TRIP12: variants seen among roughly 807,000 people sequenced by gnomAD.
TRIP12 encodes the protein E3 ubiquitin-protein ligase TRIP12.
In TRIP12, 25 loss-of-function variants were observed where a neutral mutation model predicts 244.2. The ratio of observed to expected loss-of-function variants is 0.10; its 90% confidence interval spans 0.07 to 0.14. The LOEUF is 0.14. TRIP12 is among the 10% of genes least tolerant of loss of function. The pLI, the probability that TRIP12 is intolerant of heterozygous loss-of-function variation, is 1.00. For missense variants in TRIP12, 1,677 were observed against 2,486.4 expected, an observed-to-expected ratio of 0.67 and a Z score of 6.92; for synonymous variants, 905 against 873.1, an observed-to-expected ratio of 1.04 and a Z score of -0.64.
intron 4 of TRIP12, among the ~76,000 whole-genome samples, chr2:229,850,034 A>G (rs2058364064): frequency 6.6e-6 from 1 of 152,188 alleles, no homozygotes; most frequent in Non-Finnish European, 1.5e-5. Flanking sequence ...TACTTTTAAC[A>G]AACATATATC....
intron 16 of TRIP12, 47 bp from the exon 17 acceptor site, chr2:229,807,911 G>C: frequency 6.5e-7 from 1 of 1,546,678 alleles, no homozygotes; most frequent in Non-Finnish European, 8.8e-7. Flanking sequence ...TGAAATATTA[G>C]TAAACGTTAG....
At chr2:229,887,251 T>C (rs1314862348) in intron 1 of TRIP12, among the ~76,000 whole-genome samples, 1 of 152,208 alleles carries the variant, frequency 6.6e-6, no homozygotes, top group African/African-American at 2.4e-5. Context: ...CAAGATCAAA[T>C]GTACTACTCT....
chr2:229,874,000 T>A (rs898903772), intron 2 of TRIP12, among the ~76,000 whole-genome samples: 5 of 151,810 alleles, frequency 3.3e-5, no homozygotes, highest in Admixed American at 6.6e-5. Context: ...ACAGAGTTGG[T>A]AGACTTAATT....
rs1370655455 is a variant in TRIP12, at chr2:229,777,390, T to C, written c.5454A>G (p.Pro1818=). The C allele has an allele frequency of 6.2e-7, 1 of 1,613,974 alleles. No individual in the cohort carries two copies. Among genetic ancestry groups the C allele is most frequent in the African/African-American group, 1.3e-5 (1 of 75,040 alleles). Residue 1818 remains proline, a synonymous_variant, in exon 37 of 42, where the codon CCA becomes CCG. Transcript: ENST00000675903. ...LTSHDLFDID[P]VVARSVYHLE... ...GGTGATAAACTGATCTGGCTACAAC[T>C]GGGTCGATGTCAAACAAATCGTGTG...
chr2:229,796,522 G>T lies in TRIP12; in HGVS notation c.3816+69C>A. 3.8e-6 allele frequency: 5 copies of T among 1,325,734 alleles called. No individual in the cohort carries two copies. The South Asian group carries it at 9.3e-5, about 25-fold the overall frequency. The allele number at this position is 1,325,734 out of a possible 1,614,324, so 82.1% of individuals were successfully genotyped here. Reference sequence around the variant, plus strand: ...CCAAGACCTGCTGGAAATTATTACTGAGATGAAAATATATGCATTAGTGAG... The same window carrying T: ...CCAAGACCTGCTGGAAATTATTACTTAGATGAAAATATATGCATTAGTGAG... On this transcript the variant is annotated intron_variant, in intron 25 of 41. Transcript: ENST00000675903.
chr2:229,837,008 G>C lies in TRIP12; in HGVS notation c.1134-24C>G, dbSNP rs370225354. On this transcript the variant is annotated intron_variant, in intron 5 of 41. Transcript: ENST00000675903. The stretch of plus-strand genomic sequence containing the variant: ...GACTACAACAGAAAAATGTCATCAT[G>C]GGCAGCATTACCAGTGAACCAGGAG... 11 of 1,507,854 alleles carry C rather than the reference G, an allele frequency of 7.3e-6. No homozygotes were observed. The South Asian group carries it at 9.2e-5, about 13-fold the overall frequency. 93.4% of individuals were successfully genotyped at this position (1,507,854 alleles called of 1,614,324 possible). A position where few individuals can be genotyped will look rare whatever the true frequency, so the allele number is the denominator to read the frequency against.
At chr2:229,809,086 T>C (rs1029561452) in intron 15 of TRIP12, among the ~76,000 whole-genome samples, 1 of 152,216 alleles carries the variant, frequency 6.6e-6, no homozygotes, top group Non-Finnish European at 1.5e-5. Flanking sequence ...ATTATACATA[T>C]GCAAAATATA....
chr2:229,793,180 T>G, intron 26 of TRIP12, 35 bp from the exon 27 acceptor site: 1 of 1,588,170 alleles, frequency 6.3e-7, no homozygotes, highest in Non-Finnish European at 8.6e-7. Context: ...GTTAGTCTAT[T>G]ATTTTCACAT....
At chr2:229,833,405 C>T (rs1273029864) in intron 6 of TRIP12, among the ~76,000 whole-genome samples, 9 of 152,064 alleles carry the variant, frequency 5.9e-5, no homozygotes, top group East Asian at 1.9e-4. Context: ...CTCCTGCCTC[C>T]GCCTCCTGAG....
intron 2 of TRIP12, among the ~76,000 whole-genome samples, chr2:229,869,903 C>T (rs1019151818): frequency 6.6e-6 from 1 of 152,212 alleles, no homozygotes; most frequent in Non-Finnish European, 1.5e-5. Context: ...CCATCTTCCT[C>T]CATAAGGCAC....
intron 8 of TRIP12, among the ~76,000 whole-genome samples, chr2:229,819,099 T>G (rs1467497084): frequency 7.0e-6 from 1 of 142,460 alleles, no homozygotes; most frequent in African/African-American, 2.7e-5. Context: ...TATAAACCCT[T>G]GCATCCTCTT....
chr2:229,866,844 A>AATTC lies in TRIP12; in HGVS notation c.99-6314_99-6313insGAAT, dbSNP rs376944541. 5.5e-3 allele frequency among the ~76,000 whole-genome samples: 843 copies of AATTC among 152,296 alleles called. 4 individuals carry two copies. Among genetic ancestry groups the AATTC allele is most frequent in the Middle Eastern group, 0.014 (4 of 294 alleles). The stretch of plus-strand genomic sequence containing the variant: ...GCCACACCATTTAAACCTGGCCCTG[A>AATTC]AGGATGAAAAGCTGAGGAAAAAAAG... On this transcript the variant is annotated intron_variant, in intron 2 of 41. Coordinates refer to ENST00000675903, the MANE Select transcript of TRIP12 (RefSeq NM_001348323.3).
intron 1 of TRIP12, among the ~76,000 whole-genome samples, chr2:229,881,768 G>GTGTATGTATACCAAGAAGACT (rs1302769959): frequency 1.3e-5 from 2 of 152,192 alleles, no homozygotes; most frequent in Non-Finnish European, 2.9e-5. Flanking sequence ...TCTCATTTGT[G>GTGTATGTATACCAAGAAGACT]TGTATGTATA....
Position 229,778,655 on chromosome 2 carries a change from A to T in TRIP12, c.5210-68T>A. On this transcript the variant is annotated intron_variant, in intron 35 of 41. Transcript: ENST00000675903. The surrounding 1 kb of genome is among the most constrained non-coding windows in gnomAD (Gnocchi z 4.1). ...AAAACAAAACAAAACCTGGTAACTA[A>T]GAACATTTAAGAAATTAAGCATTCT... 6.4e-7 allele frequency: 1 copy of T among 1,560,770 alleles called. No homozygotes were observed.
At chr2:229,788,304 C>T (rs1355832738) in intron 32 of TRIP12, among the ~76,000 whole-genome samples, 1 of 152,110 alleles carries the variant, frequency 6.6e-6, no homozygotes, top group African/African-American at 2.4e-5. Context: ...ATATGACCAC[C>T]ACCTTCATGA....
At chr2:229,902,887 A>G (rs1490923326) in intron 1 of TRIP12, among the ~76,000 whole-genome samples, 2 of 152,226 alleles carry the variant, frequency 1.3e-5, no homozygotes, top group Non-Finnish European at 2.9e-5. Flanking sequence ...GCCTTCACAT[A>G]CAGTGCTGAC....
chr2:229,878,443 TAAAA>T (rs779143943), intron 2 of TRIP12, among the ~76,000 whole-genome samples: 2 of 133,344 alleles, frequency 1.5e-5, no homozygotes, highest in South Asian at 2.4e-4. Flanking sequence ...GCAACTGTTT[TAAAA>T]AAAAAAAAAA....
chr2:229,912,136 G>A (rs970485400), intron 1 of TRIP12, among the ~76,000 whole-genome samples: 17 of 152,186 alleles, frequency 1.1e-4, no homozygotes, highest in African/African-American at 4.1e-4. Context: ...ACAGAGGACT[G>A]GTGTGGGTCA....
Position 229,808,156 on chromosome 2 carries a change from C to T in TRIP12, c.2339+96G>A, listed in dbSNP as rs547910738. 6.6e-4 allele frequency: 610 copies of T among 918,324 alleles called. 7 individuals carry two copies. In the South Asian group the frequency reaches 8.4e-3, roughly 13 times the overall value. 56.9% of individuals were successfully genotyped at this position (918,324 alleles called of 1,614,324 possible). On this transcript the variant is annotated intron_variant, in intron 16 of 41. Coordinates refer to ENST00000675903, the MANE Select transcript of TRIP12 (RefSeq NM_001348323.3). ...TAATTTTTTGTATTTTTAGTAGAGA[C>T]GGGTTTTCATCATGTTGGCCAGGCT...
Sources: allele counts gnomAD v4.1 joint callset (sites outside exome capture counted in the v4.1 genomes callset), GRCh38; gene constraint gnomAD v4.1.1; non-coding constraint Gnocchi (gnomAD v3.1); transcripts MANE v1.5; gene names NCBI Gene and HGNC (gene_info 2026-07-23, HGNC 2026-07-21).